The following ZNF831 variants were observed in gnomAD, a reference collection of about 807,000 sequenced individuals.
The protein encoded by ZNF831 is chromosome 20 open reading frame 174.
Under a neutral mutation model 95.8 loss-of-function variants are expected in ZNF831, and 59 were observed. The observed-to-expected ratio is 0.62, with a 90% CI of 0.50 to 0.77. The LOEUF (loss-of-function observed/expected upper bound fraction) is 0.77, where lower values mean the gene tolerates loss of function less well. Among genes scored for constraint, ZNF831 ranks in the 30% least tolerant of loss-of-function variants. The pLI is 0.00. For synonymous variants in ZNF831, 961 were observed against 925.5 expected, an observed-to-expected ratio of 1.04 and a Z score of -0.70; for missense variants, 2,205 against 2,164.0, an observed-to-expected ratio of 1.02 and a Z score of -0.38.
chr20:59,243,859 A>T (rs1301179666), intron 4 of ZNF831, among the ~76,000 whole-genome samples: 1 of 152,252 alleles, frequency 6.6e-6, no homozygotes. Flanking sequence ...TTTAGAGTTA[A>T]GAAAGTTTGA....
chr20:59,254,402 A>T lies in ZNF831; in HGVS notation c.4693A>T (p.Thr1565Ser), dbSNP rs1988073863. 1 of 1,613,592 alleles carries T rather than the reference A, an allele frequency of 6.2e-7. No individual in the cohort carries two copies. The highest frequency in any genetic ancestry group is 2.2e-5 in the East Asian group (1 of 44,834). Residue 1565 changes from threonine (T) to serine (S), a missense_variant, in exon 6 of 6, where the codon ACT becomes TCT. Coordinates refer to ENST00000371030, the MANE Select transcript of ZNF831 (RefSeq NM_178457.3). The surrounding 1 kb of genome is among the most constrained non-coding windows in gnomAD (Gnocchi z 4.5). ...GGTTCCACTGGAGTCAACTGAAAAA[A>T]CTCATCTTGAAATACCAGCTTCAGG... ...DSVPLESTEK[T>S]HLEIPASGPS...
intron 4 of ZNF831, among the ~76,000 whole-genome samples, chr20:59,241,301 C>T (rs1568791527): frequency 6.6e-6 from 1 of 151,774 alleles, no homozygotes; most frequent in Non-Finnish European, 1.5e-5. Context: ...AACTCATAAC[C>T]GGCCCCCTCT....
At chr20:59,213,317 A>G (rs1985467301) in intron 4 of ZNF831, among the ~76,000 whole-genome samples, 1 of 152,192 alleles carries the variant, frequency 6.6e-6, no homozygotes, top group African/African-American at 2.4e-5. Context: ...CGTTGTGGGC[A>G]TATTAGCTTA....
rs1267657220 is a variant in ZNF831, at chr20:59,254,467, C to A, written c.4758C>A (p.His1586Gln). The change falls in exon 6 of 6, where the codon CAC becomes CAA. Residue 1586 changes from histidine (H) to glutamine (Q), a missense_variant. Coordinates refer to ENST00000371030, the MANE Select transcript of ZNF831 (RefSeq NM_178457.3). This position sits in a 1 kb window ranked among gnomAD's most constrained non-coding sequence, Gnocchi z 4.5. ...GTTCACACCACAAGGAAGGGAGACA[C>A]AAGACGTTTTTTCCTTCCAGAGGCC... Reference protein sequence around the residue: ...SASSHHKEGRHKTFFPSRGQY... With the variant: ...SASSHHKEGRQKTFFPSRGQY... The A allele has an allele frequency of 6.2e-7, 1 of 1,614,224 alleles. No homozygotes were observed. The highest frequency in any genetic ancestry group is 8.5e-7 in the Non-Finnish European group (1 of 1,180,040).
chr20:59,243,276 G>A (rs1161377270), intron 4 of ZNF831, among the ~76,000 whole-genome samples: 2 of 152,070 alleles, frequency 1.3e-5, no homozygotes, highest in Admixed American at 6.5e-5. Context: ...AGTTATCAAC[G>A]CAGCTGCCTT....
At chr20:59,166,512 A>G (rs753249944) in intron 1 of ZNF831, among the ~76,000 whole-genome samples, 3 of 152,210 alleles carry the variant, frequency 2.0e-5, no homozygotes, top group Non-Finnish European at 4.4e-5. Flanking sequence ...GTCAAGATAC[A>G]GAACATTTCT....
At chr20:59,179,774 C>T (rs140010863) in intron 1 of ZNF831, among the ~76,000 whole-genome samples, 112 of 152,292 alleles carry the variant, frequency 7.4e-4, no homozygotes, top group African/African-American at 2.6e-3. Flanking sequence ...ATTTTGAGAT[C>T]CTTAACTTAA....
chr20:59,141,796 A>G (rs1979688934), intron 1 of ZNF831, among the ~76,000 whole-genome samples: 1 of 152,266 alleles, frequency 6.6e-6, no homozygotes, highest in Non-Finnish European at 1.5e-5. Context: ...TAAGTTTGCT[A>G]TGTCAGCTAG....
In ZNF831 at chr20:59,221,208, G is replaced by T. The variant is rs1272008120; in HGVS notation, c.4027+14152G>T. The stretch of plus-strand genomic sequence containing the variant: ...AGACGTCTTCAAGCCAAAGGAGGGA[G>T]GCAGTGAATGGTGCAGGTCCATACT... On this transcript the variant is annotated intron_variant, in intron 4 of 5. Transcript: ENST00000371030. 5.3e-5 allele frequency among the ~76,000 whole-genome samples: 8 copies of T among 152,200 alleles called. 1 individual carries two copies. The highest frequency in any genetic ancestry group is 1.7e-4 in the African/African-American group (7 of 41,444).
At chr20:59,241,926 A>T (rs1600677533) in intron 4 of ZNF831, among the ~76,000 whole-genome samples, 1 of 152,364 alleles carries the variant, frequency 6.6e-6, no homozygotes, top group East Asian at 1.9e-4. Flanking sequence ...GAATATCTAA[A>T]CACGTTATGA....
rs1983779262 is a variant in ZNF831, at chr20:59,193,345, C to T, written c.2326C>T (p.Pro776Ser). The T allele has an allele frequency of 6.2e-7, 1 of 1,611,746 alleles. No individual in the cohort carries two copies. ...GPLKGGDVEA[P>S]RPVWPDPKLE... ...CCTCAAAGGGGGTGATGTAGAGGCT[C>T]CCAGGCCAGTTTGGCCGGACCCCAA... The change falls in exon 2 of 6, where the codon CCC becomes TCC. Residue 776 changes from proline to serine, a missense_variant. By Grantham distance (74) the Pro-to-Ser change is moderately conservative (BLOSUM62 -1). Coordinates refer to ENST00000371030, the MANE Select transcript of ZNF831 (RefSeq NM_178457.3).
chr20:59,151,764 C>G (rs1008717000), intron 2 of ZNF831, among the ~76,000 whole-genome samples: 1 of 152,216 alleles, frequency 6.6e-6, no homozygotes. Flanking sequence ...GTAGGTTTGC[C>G]TCAAATACTG....
At chr20:59,127,034 C>T (rs1031624499) in intron 1 of ZNF831, among the ~76,000 whole-genome samples, 4 of 152,154 alleles carry the variant, frequency 2.6e-5, no homozygotes, top group Admixed American at 1.3e-4. Flanking sequence ...CCCTACCTAC[C>T]TCATGACTTC....
intron 1 of ZNF831, among the ~76,000 whole-genome samples, chr20:59,190,010 G>A (rs1434180368): frequency 1.3e-5 from 2 of 152,148 alleles, no homozygotes; most frequent in Non-Finnish European, 2.9e-5. Flanking sequence ...TCTTGCATCT[G>A]GCTTTTCCTT....
chr20:59,195,273 C>A (rs1396366606), intron 2 of ZNF831, among the ~76,000 whole-genome samples: 1 of 152,156 alleles, frequency 6.6e-6, no homozygotes, highest in African/African-American at 2.4e-5. Context: ...GGTGTTCTCA[C>A]TTGGTGAAGA....
intron 4 of ZNF831, among the ~76,000 whole-genome samples, chr20:59,244,984 C>G (rs1987519686): frequency 6.6e-6 from 1 of 152,228 alleles, no homozygotes; most frequent in Non-Finnish European, 1.5e-5. Context: ...TTTATACTTA[C>G]TTATTTCACC....
intron 2 of ZNF831, among the ~76,000 whole-genome samples, chr20:59,154,181 T>A (rs533854921): frequency 3.8e-4 from 58 of 152,314 alleles, no homozygotes; most frequent in Admixed American, 1.6e-3. Context: ...GGTTTGGCAG[T>A]GGGGAGATCA....
chr20:59,221,139 G>A (rs1052257355), intron 4 of ZNF831, among the ~76,000 whole-genome samples: 2 of 152,176 alleles, frequency 1.3e-5, no homozygotes, highest in Non-Finnish European at 2.9e-5. Context: ...GCTGGGAGGT[G>A]GCAGGGGTGA....
chr20:59,149,986 C>A (rs1166200301), intron 2 of ZNF831, among the ~76,000 whole-genome samples: 1 of 152,248 alleles, frequency 6.6e-6, no homozygotes, highest in African/African-American at 2.4e-5. Flanking sequence ...CCGCCTTTTC[C>A]TCTGTGACCT....
Sources: allele counts gnomAD v4.1 joint callset (sites outside exome capture counted in the v4.1 genomes callset), GRCh38; gene constraint gnomAD v4.1.1; non-coding constraint Gnocchi (gnomAD v3.1); transcripts MANE v1.5; gene names NCBI Gene and HGNC (gene_info 2026-07-23, HGNC 2026-07-21).